The following TCF20 variants were observed in gnomAD, a reference collection of about 807,000 sequenced individuals.
The protein encoded by TCF20 is transcription factor 20, also known as SPRE-binding protein.
In TCF20, 3 loss-of-function variants were observed where a neutral mutation model predicts 148.6. The ratio of observed to expected loss-of-function variants is 0.02; its 90% CI spans 0.01 to 0.05. The LOEUF is 0.05. Ranked by LOEUF, TCF20 falls within the 10% of genes least tolerant of loss-of-function variation. The pLI is 1.00. For missense variants in TCF20, 2,350 were observed against 2,429.3 expected (o/e 0.97, Z 0.69); for synonymous variants, 1,049 against 909.5 (o/e 1.15, Z -2.76).
chr22:42,291,603 GCAAA>G (rs1257693063), intron 1 of TCF20, among the ~76,000 whole-genome samples: 1 of 152,160 alleles, frequency 6.6e-6, no homozygotes, highest in Non-Finnish European at 1.5e-5. Flanking sequence ...GGTGCATGCA[GCAAA>G]GGCAGCCCCT....
intron 2 of TCF20, among the ~76,000 whole-genome samples, chr22:42,196,977 C>T (rs1937625512): frequency 6.6e-6 from 1 of 152,228 alleles, no homozygotes; most frequent in Non-Finnish European, 1.5e-5. Context: ...AGTATGCTGC[C>T]AACATCTTCA....
intron 1 of TCF20, among the ~76,000 whole-genome samples, chr22:42,336,285 G>GA (rs1479112218): frequency 1.3e-5 from 2 of 152,084 alleles, no homozygotes; most frequent in Non-Finnish European, 2.9e-5. Flanking sequence ...AGCTAGGTTG[G>GA]AAAACCCACC....
At chr22:42,306,431 C>T (rs1468562958) in intron 1 of TCF20, among the ~76,000 whole-genome samples, 1 of 152,218 alleles carries the variant, frequency 6.6e-6, no homozygotes, top group African/African-American at 2.4e-5. Flanking sequence ...CAGGCTCAGG[C>T]AGCCCTGCCC....
intron 1 of TCF20, among the ~76,000 whole-genome samples, chr22:42,311,873 C>T (rs1301565545): frequency 1.3e-5 from 2 of 152,210 alleles, no homozygotes; most frequent in Non-Finnish European, 2.9e-5. Flanking sequence ...CTCCTAGGCA[C>T]ATAGGTTACC....
chr22:42,191,832 C>G (rs1937351196), intron 2 of TCF20, among the ~76,000 whole-genome samples: 1 of 151,924 alleles, frequency 6.6e-6, no homozygotes, highest in Non-Finnish European at 1.5e-5. Context: ...TGAATAAAAG[C>G]AGAGAACCTG....
intron 1 of TCF20, among the ~76,000 whole-genome samples, chr22:42,225,797 A>AC (rs1370858754): frequency 6.6e-6 from 1 of 152,128 alleles, no homozygotes; most frequent in Non-Finnish European, 1.5e-5. Flanking sequence ...CAGGACCTCT[A>AC]CTTCAGGAAA....
chr22:42,306,191 CA>C (rs1927430628), intron 1 of TCF20, among the ~76,000 whole-genome samples: 1 of 152,258 alleles, frequency 6.6e-6, no homozygotes, highest in Non-Finnish European at 1.5e-5. Flanking sequence ...GCGCCGCTGC[CA>C]GCTCCCCGCC....
rs1569145944 is a variant in TCF20 at position 42,211,272 on chromosome 22, CGTGGGGGCA to C, written c.4025_4033del (p.Leu1342_Pro1344del). The stretch of plus-strand genomic sequence containing the variant: ...TTCCAATTTCAATCCCCGTCCTTTC[CGTGGGGGCA>C]GTATTTTGGTCTTAGCAGGGCTTGT... On this transcript the variant is annotated inframe_deletion, in exon 2 of 6. Coordinates refer to ENST00000677622, the MANE Select transcript of TCF20 (RefSeq NM_001378418.1). 6.2e-7 allele frequency: 1 copy of C among 1,614,120 alleles called. No individual in the cohort carries two copies. The highest frequency in any genetic ancestry group is 8.5e-7 in the Non-Finnish European group (1 of 1,180,030).
chr22:42,261,801 G>A (rs1926042649), intron 1 of TCF20, among the ~76,000 whole-genome samples: 1 of 152,162 alleles, frequency 6.6e-6, no homozygotes, highest in Non-Finnish European at 1.5e-5. Flanking sequence ...AGACCAGACT[G>A]GCCAACATGG....
intron 1 of TCF20, chr22:42,269,874 C>T (rs1458085100): frequency 6.6e-6 from 1 of 152,356 alleles, no homozygotes; most frequent in Non-Finnish European, 1.5e-5. Context: ...CCGGCCCAGC[C>T]CCGCTGGCCT....
intron 1 of TCF20, among the ~76,000 whole-genome samples, chr22:42,252,551 A>G (rs1028331658): frequency 6.6e-6 from 1 of 152,092 alleles, no homozygotes; most frequent in African/African-American, 2.4e-5. Flanking sequence ...CCCAGGTTTA[A>G]GCGATTCTCC....
Position 42,243,292 on chromosome 22 carries a change from C to CAAAAAAAAAAAAAAAAAAAA in TCF20, c.-37+27027_-37+27046dup, listed in dbSNP as rs3045578. Among the ~76,000 whole-genome samples, 12 of 39,500 alleles carry CAAAAAAAAAAAAAAAAAAAA rather than the reference C, an allele frequency of 3.0e-4. 3 individuals are homozygous for CAAAAAAAAAAAAAAAAAAAA. Among genetic ancestry groups the CAAAAAAAAAAAAAAAAAAAA allele is most frequent in the East Asian group, 2.9e-3 (2 of 678 alleles). 25.9% of individuals were successfully genotyped at this position (39,500 alleles called of 152,430 possible). ...TGGCTGGCAGAGCAAGACACTGTCT[C>CAAAAAAAAAAAAAAAAAAAA]AAAAAAAAAAAAAAAAAAAAAAAAA... On this transcript the variant is annotated intron_variant, in intron 1 of 5. Coordinates refer to ENST00000677622, the MANE Select transcript of TCF20 (RefSeq NM_001378418.1).
At chr22:42,278,722 G>C (rs566622581) in intron 1 of TCF20, 1 of 152,304 alleles carries the variant, frequency 6.6e-6, no homozygotes, top group Non-Finnish European at 1.5e-5. Flanking sequence ...AGCTAGGCAT[G>C]GTGCTAAGTG....
At chr22:42,270,719 AGGGCGCGCGGCGGGGCG>A (rs1201773857), upstream of TCF20, among the ~76,000 whole-genome samples, 170 of 28,872 alleles carry the variant, frequency 5.9e-3, no homozygotes, top group East Asian at 0.017. Context: ...GGCGGGCGGG[AGGGCGCGCGGCGGGGCG>A]GGGCGCGCGG....
intron 1 of TCF20, among the ~76,000 whole-genome samples, chr22:42,235,141 C>CA (rs34834610): frequency 0.48 from 51,835 of 108,944 alleles, 11,257 homozygotes; most frequent in Middle Eastern, 0.6. Flanking sequence ...GACTCTGTCT[C>CA]AAAAAAAAAA....
At position 42,214,156 on chromosome 22, in the gene TCF20, A is replaced by G; in HGVS notation, c.1150T>C (p.Ser384Pro). 6.2e-7 allele frequency: 1 copy of G among 1,614,226 alleles called. No homozygotes were observed. Among genetic ancestry groups the G allele is most frequent in the Admixed American group, 1.7e-5 (1 of 60,030 alleles). ...ASVVQSPSCS[S>P]TPSPLMQTGE... ...GTCTGCATGAGAGGAGATGGGGTAG[A>G]ACTACAGCTTGGAGACTGAACCACA... Residue 384 changes from serine (S) to proline (P), a missense_variant, in exon 2 of 6, where the codon TCT (serine) becomes CCT (proline). Physicochemically the swap from Ser to Pro is moderately conservative, Grantham distance 74 (BLOSUM62 -1). This residue lies in a region of TCF20 where 1,641 missense variants were observed against 1,662.6 expected (regional missense o/e 0.99). Transcript: ENST00000677622.
At position 42,209,722 on chromosome 22, in the gene TCF20, C is replaced by T. The variant is rs1920925432; in HGVS notation, c.5584G>A (p.Ala1862Thr). 1 of 1,614,102 alleles carries T rather than the reference C, an allele frequency of 6.2e-7. No individual in the cohort carries two copies. Among genetic ancestry groups the T allele is most frequent in the Non-Finnish European group, 8.5e-7 (1 of 1,180,044 alleles). The change falls in exon 2 of 6, where the codon GCC becomes ACC. Residue 1862 changes from alanine to threonine, a missense_variant. Ala to Thr is a moderately conservative substitution (Grantham distance 58). Coordinates refer to ENST00000677622, the MANE Select transcript of TCF20 (RefSeq NM_001378418.1). ...CCACAAACCAGGTAGATTCCATTGG[C>T]CCAGAGAATACAACCCTCATGGACC... is the stretch of plus-strand genomic sequence containing the variant. ...FWVHEGCILW[A>T]NGIYLVCGRL... is the part of the protein sequence containing the mutation.
intron 1 of TCF20, among the ~76,000 whole-genome samples, chr22:42,296,928 G>A (rs1927248034): frequency 6.6e-6 from 1 of 152,230 alleles, no homozygotes; most frequent in African/African-American, 2.4e-5. Context: ...CACTCAGCAA[G>A]CACTCACTCC....
chr22:42,272,014 T>C (rs1267925276), upstream of TCF20, among the ~76,000 whole-genome samples: 2 of 152,166 alleles, frequency 1.3e-5, no homozygotes, highest in Admixed American at 6.5e-5. Context: ...GGCAGGAGCA[T>C]GTACTTGGGG....
Sources: allele counts gnomAD v4.1 joint callset (sites outside exome capture counted in the v4.1 genomes callset), GRCh38; gene constraint gnomAD v4.1.1; regional missense constraint gnomAD v4.1.1; transcripts MANE v1.5; gene names NCBI Gene and HGNC (gene_info 2026-07-23, HGNC 2026-07-21).